NPAS3: variants seen among roughly 807,000 people sequenced by gnomAD.
NPAS3 encodes neuronal PAS domain-containing protein 3.
A neutral mutation model predicts 73.1 loss-of-function variants in NPAS3; 14 were observed. The ratio of observed to expected loss-of-function variants is 0.19; its 90% CI spans 0.13 to 0.30. The LOEUF is 0.30. NPAS3 is among the 10% of genes least tolerant of loss of function. NPAS3 has a pLI of 1.00. For missense variants in NPAS3, 1,096 were observed against 1,250.0 expected (o/e 0.88, Z 1.86); for synonymous variants, 620 against 541.5 (o/e 1.14, Z -2.01).
In NPAS3 at chr14:33,687,836, G is replaced by A. The variant is rs957396375; in HGVS notation, c.733+11451G>A. Among the ~76,000 whole-genome samples the A allele has an allele frequency of 3.3e-5, 5 of 152,252 alleles. No individual in the cohort carries two copies. The East Asian group carries it at 7.7e-4, about 23-fold the overall frequency. On this transcript the variant is annotated intron_variant, in intron 6 of 11. Coordinates refer to ENST00000356141, the Ensembl canonical transcript of NPAS3. ...CCGGGATGGGGTAGTTACCAAAAAT[G>A]TCTCTGCTCTCCCAGAACCTGTAGC... is the stretch of plus-strand genomic sequence containing the variant.
chr14:33,022,683 A>G (rs923166633), intron 1 of NPAS3, among the ~76,000 whole-genome samples: 4 of 151,856 alleles, frequency 2.6e-5, no homozygotes, highest in African/African-American at 9.7e-5. Context: ...AAAAAAAAAA[A>G]AAAAAGTTAC....
At chr14:33,526,475 G>C (rs1043797101) in intron 4 of NPAS3, among the ~76,000 whole-genome samples, 15 of 151,870 alleles carry the variant, frequency 9.9e-5, no homozygotes, top group Non-Finnish European at 2.2e-4. Context: ...ATGTAAAAGA[G>C]GTTTCAGTAT....
chr14:33,482,341 T>C (rs1362535379), intron 4 of NPAS3, among the ~76,000 whole-genome samples: 2 of 152,210 alleles, frequency 1.3e-5, no homozygotes, highest in Non-Finnish European at 2.9e-5. Context: ...AATGTTTTCA[T>C]TCAGTGGGCT....
At chr14:33,153,679 C>G (rs2044541611) in intron 2 of NPAS3, among the ~76,000 whole-genome samples, 1 of 152,144 alleles carries the variant, frequency 6.6e-6, no homozygotes, top group South Asian at 2.1e-4. Flanking sequence ...CTAATTGCAT[C>G]TCAAAGAGCT....
chr14:33,375,038 T>C (rs1184392848), intron 4 of NPAS3, among the ~76,000 whole-genome samples: 1 of 152,206 alleles, frequency 6.6e-6, no homozygotes, highest in East Asian at 1.9e-4. Flanking sequence ...AAAATGATCA[T>C]CTCTAGGAAG....
In NPAS3 at chr14:33,256,367, A is replaced by G. The variant is rs370299636; in HGVS notation, c.385+40941A>G. The stretch of plus-strand genomic sequence containing the variant: ...AGAGCATAAATAAATAATTTCCCTC[A>G]TTTGGATTGGATTGTAATTATTTTG... On this transcript the variant is annotated intron_variant, in intron 3 of 11. Coordinates refer to ENST00000356141, the Ensembl canonical transcript of NPAS3. 1.9e-4 allele frequency among the ~76,000 whole-genome samples: 29 copies of G among 152,242 alleles called. No homozygotes were observed. The East Asian group carries it at 3.5e-3, about 18-fold the overall frequency.
intron 2 of NPAS3, among the ~76,000 whole-genome samples, chr14:33,106,778 G>T (rs540911632): frequency 1.3e-5 from 2 of 152,178 alleles, no homozygotes; most frequent in South Asian, 2.1e-4. Context: ...ACTTGTCTTG[G>T]TTCATACTAT....
rs867444533 is a variant in NPAS3 at position 33,762,391 on chromosome 14, A to C, written c.853-11946A>C. ...CACACTTGCAGCAATCTGCACTAGA[A>C]CAGTCTTTGTGCCAATTACTTCAAA... is the stretch of plus-strand genomic sequence containing the variant. On this transcript the variant is annotated intron_variant, in intron 7 of 11. Transcript: ENST00000356141. 2.0e-5 allele frequency among the ~76,000 whole-genome samples: 3 copies of C among 152,214 alleles called. No individual in the cohort carries two copies. In the South Asian group the frequency reaches 6.2e-4, roughly 31 times the overall value.
At position 32,968,291 on chromosome 14, in the gene NPAS3, T is replaced by G. The variant is rs541391657; in HGVS notation, c.50+28925T>G. On this transcript the variant is annotated intron_variant, in intron 1 of 11. Coordinates refer to ENST00000356141, the Ensembl canonical transcript of NPAS3. ...GAGGTCATGGATATGCTAATTACCC[T>G]GACTTTATCATTAACTAATGTGTGT... Among the ~76,000 whole-genome samples, 13 of 152,356 alleles carry G rather than the reference T, an allele frequency of 8.5e-5. No individual in the cohort carries two copies. The East Asian group carries it at 2.5e-3, about 29-fold the overall frequency.
intron 3 of NPAS3, among the ~76,000 whole-genome samples, chr14:33,317,455 A>G (rs1270196199): frequency 2.0e-5 from 3 of 152,018 alleles, no homozygotes; most frequent in African/African-American, 2.4e-5. Flanking sequence ...GCAAGCCCAA[A>G]TGATATGGTT....
intron 4 of NPAS3, among the ~76,000 whole-genome samples, chr14:33,502,988 C>T (rs1315636719): frequency 6.8e-6 from 1 of 146,262 alleles, no homozygotes; most frequent in Non-Finnish European, 1.5e-5. Flanking sequence ...ACCATCTATA[C>T]TCTACTCTCC....
intron 10 of NPAS3, among the ~76,000 whole-genome samples, chr14:33,795,624 A>G (rs1158939693): frequency 6.6e-6 from 1 of 152,142 alleles, no homozygotes; most frequent in Non-Finnish European, 1.5e-5. Flanking sequence ...TGTTGATGAA[A>G]CATAGATACT....
At chr14:33,623,113 A>G (rs1287392344) in intron 5 of NPAS3, among the ~76,000 whole-genome samples, 4 of 152,218 alleles carry the variant, frequency 2.6e-5, no homozygotes, top group African/African-American at 9.6e-5. Context: ...GTGAATCCAG[A>G]GGAGGCTAGT....
At chr14:33,407,218 C>T (rs2047706068) in intron 4 of NPAS3, among the ~76,000 whole-genome samples, 1 of 152,082 alleles carries the variant, frequency 6.6e-6, no homozygotes, top group South Asian at 2.1e-4. Flanking sequence ...TTTGTAACTG[C>T]CCACAGAACT....
intron 6 of NPAS3, among the ~76,000 whole-genome samples, chr14:33,699,577 C>G (rs1293629612): frequency 6.6e-6 from 1 of 152,168 alleles, no homozygotes; most frequent in Non-Finnish European, 1.5e-5. Context: ...ACAAATAGTA[C>G]TCAATGTGAA....
chr14:33,057,268 C>G lies in NPAS3; in HGVS notation c.140+1274C>G, dbSNP rs8015656. ...TCTAGATAGTGTTACTAGTTTTATC[C>G]GAACTGGTATAATTATAATGCAGAA... On this transcript the variant is annotated intron_variant, in intron 2 of 11. Coordinates refer to ENST00000356141, the Ensembl canonical transcript of NPAS3. 2.6e-5 allele frequency among the ~76,000 whole-genome samples: 4 copies of G among 151,666 alleles called. No individual in the cohort carries two copies. The South Asian group carries it at 8.3e-4, about 32-fold the overall frequency.
At chr14:33,757,386 G>A (rs2062147727) in intron 7 of NPAS3, among the ~76,000 whole-genome samples, 1 of 152,134 alleles carries the variant, frequency 6.6e-6, no homozygotes. Context: ...CAACATATGG[G>A]GAACTGAGGC....
At chr14:33,671,997 C>G (rs1465333079) in intron 5 of NPAS3, among the ~76,000 whole-genome samples, 2 of 152,150 alleles carry the variant, frequency 1.3e-5, no homozygotes, top group African/African-American at 4.8e-5. Flanking sequence ...TGAAATTTCT[C>G]TAAATTTCTA....
intron 3 of NPAS3, among the ~76,000 whole-genome samples, chr14:33,229,262 C>T (rs1425647413): frequency 1.3e-5 from 2 of 152,204 alleles, no homozygotes; most frequent in Non-Finnish European, 2.9e-5. Context: ...AGTATCTTCT[C>T]TCTGATAGCT....
Sources: gnomAD v4.1 joint callset for allele counts (sites outside exome capture counted in the v4.1 genomes callset) on GRCh38, gnomAD v4.1.1 for gene constraint, MANE v1.5 for transcripts, NCBI Gene and HGNC (gene_info 2026-07-23, HGNC 2026-07-21) for gene names.